Variants in C16orf46 observed in about 807,000 individuals in gnomAD.
C16orf46 encodes the protein chromosome 16 open reading frame 46, also known as uncharacterized protein C16orf46.
In C16orf46, 7 loss-of-function variants were observed where a neutral mutation model predicts 5.5. The observed-to-expected ratio is 1.28, with a 90% CI of 0.73 to 2.40. The LOEUF (loss-of-function observed/expected upper bound fraction) is 2.40, where lower values mean the gene tolerates loss of function less well. Ranked by LOEUF, C16orf46 falls within the 30% of genes most tolerant of loss-of-function variation. The pLI is 0.00. For missense variants in C16orf46, 614 were observed against 476.0 expected, an observed-to-expected ratio of 1.29 and a Z score of -2.70; for synonymous variants, 200 against 184.1, an observed-to-expected ratio of 1.09 and a Z score of -0.70.
chr16:81,059,791 G>C (rs1037375479), downstream of C16orf46, among the ~76,000 whole-genome samples: 1 of 148,234 alleles, frequency 6.7e-6, no homozygotes, highest in Non-Finnish European at 1.5e-5. Context: ...TTCCCAAAAA[G>C]ATTTTTTTTT....
downstream of C16orf46, among the ~76,000 whole-genome samples, chr16:81,059,768 T>C (rs1163697375): frequency 1.3e-5 from 2 of 151,854 alleles, no homozygotes; most frequent in Non-Finnish European, 2.9e-5. Context: ...ATCACAGTGA[T>C]CTTTTTATTT....
intron 2 of C16orf46, among the ~76,000 whole-genome samples, chr16:81,065,915 C>CT (rs1042046255): frequency 6.6e-6 from 1 of 151,820 alleles, no homozygotes; most frequent in African/African-American, 2.4e-5. Context: ...TCTTAGCTCA[C>CT]TGACAAAATT....
At chr16:81,062,446 C>A (rs1028936357) in intron 3 of C16orf46, among the ~76,000 whole-genome samples, 1 of 152,164 alleles carries the variant, frequency 6.6e-6, no homozygotes, top group African/African-American at 2.4e-5. Flanking sequence ...TACTAAAACA[C>A]TAAGCAACAG....
intron 1 of C16orf46, among the ~76,000 whole-genome samples, chr16:81,073,765 G>A (rs1253624713): frequency 1.3e-5 from 2 of 152,064 alleles, no homozygotes; most frequent in Non-Finnish European, 2.9e-5. Flanking sequence ...ACATCCCAAG[G>A]AATGTGGATG....
In C16orf46 at chr16:81,054,520, G is replaced by GATATATAT. The variant is rs368793022; in HGVS notation, c.1144-434_1144-427dup. Among the ~76,000 whole-genome samples, 772 of 151,460 alleles carry GATATATAT rather than the reference G, an allele frequency of 5.1e-3. 5 individuals are homozygous for GATATATAT. Among genetic ancestry groups the GATATATAT allele is most frequent in the African/African-American group, 0.018 (735 of 41,266 alleles). ...TTTTCTGCACCTTTTTTGGTAACGT[G>GATATATAT]ATATATATATATGTATATACATGTT... is the stretch of plus-strand genomic sequence containing the variant. On this transcript the variant is annotated intron_variant, in intron 3 of 3. Coordinates refer to the C16orf46 transcript ENST00000378611.
At chr16:81,073,422 T>G (rs746829437) in intron 1 of C16orf46, among the ~76,000 whole-genome samples, 18 of 152,220 alleles carry the variant, frequency 1.2e-4, no homozygotes, top group Non-Finnish European at 2.2e-4. Context: ...CAATAAGCTC[T>G]TCTAGAATGT....
exon 4 of C16orf46, chr16:81,053,924 G>C: frequency 1.3e-6 from 1 of 798,558 alleles, no homozygotes; most frequent in Non-Finnish European, 2.0e-6. Flanking sequence ...CAAACGTGGC[G>C]TCTTCTTACT....
intron 2 of C16orf46, among the ~76,000 whole-genome samples, chr16:81,064,537 C>T (rs193085552): frequency 2.0e-3 from 309 of 152,170 alleles, no homozygotes; most frequent in Non-Finnish European, 3.9e-3. Flanking sequence ...CACCTGAGGT[C>T]AGGAGTTCGA....
downstream of C16orf46, chr16:81,056,025 T>G: frequency 6.6e-6 from 1 of 152,178 alleles, no homozygotes. Flanking sequence ...GCCAACTGTT[T>G]CATTTTAAAA....
At chr16:81,076,119 T>C (rs1238613126) in intron 1 of C16orf46, among the ~76,000 whole-genome samples, 1 of 152,206 alleles carries the variant, frequency 6.6e-6, no homozygotes, top group African/African-American at 2.4e-5. Context: ...GAAGGAATAA[T>C]CATTAGAAAT....
intron 1 of C16orf46, among the ~76,000 whole-genome samples, chr16:81,075,356 G>A (rs1227313543): frequency 2.0e-5 from 3 of 151,978 alleles, no homozygotes; most frequent in Non-Finnish European, 4.4e-5. Flanking sequence ...TTGGGAGGCC[G>A]AGGCCGGTGG....
chr16:81,074,503 G>T (rs1027371376), intron 1 of C16orf46, among the ~76,000 whole-genome samples: 2 of 152,000 alleles, frequency 1.3e-5, no homozygotes, highest in African/African-American at 2.4e-5. Flanking sequence ...TCCTGCCTCA[G>T]CCTCCTGAGT....
intron 1 of C16orf46, among the ~76,000 whole-genome samples, chr16:81,070,893 G>A (rs1444293481): frequency 1.3e-5 from 2 of 152,030 alleles, no homozygotes; most frequent in Admixed American, 6.6e-5. Context: ...TTTCACTGCT[G>A]GACTCAACTG....
intron 2 of C16orf46, among the ~76,000 whole-genome samples, chr16:81,065,579 T>C (rs1258037597): frequency 1.3e-5 from 2 of 151,852 alleles, no homozygotes; most frequent in African/African-American, 4.8e-5. Context: ...ACCTGAGCAG[T>C]GACCACCAAA....
Position 81,061,784 on chromosome 16 carries a change from G to A in C16orf46, c.565C>T (p.Pro189Ser), listed in dbSNP as rs769358468. Reference protein sequence around the residue: ...GTNRGKASGNPSGGAHRGLSI... With the variant: ...GTNRGKASGNSSGGAHRGLSI... ...AGCCCTCTGTGGGCCCCTCCACTGG[G>A]ATTCCCAGAGGCCTTGCCCCTATTA... The change falls in exon 4 of 4, where the codon CCC becomes TCC. Residue 189 changes from proline to serine, a missense_variant. Physicochemically the swap from Pro to Ser is moderately conservative, Grantham distance 74. Coordinates refer to ENST00000299578, the MANE Select transcript of C16orf46 (RefSeq NM_152337.3). 1.2e-6 allele frequency: 2 copies of A among 1,613,948 alleles called. No homozygotes were observed. The highest frequency in any genetic ancestry group is 3.3e-5 in the Admixed American group (2 of 60,014).
At position 81,066,199 on chromosome 16, in the gene C16orf46, A is replaced by C. The variant is rs1219127842; in HGVS notation, c.-45T>G. On this transcript the variant is annotated 5_prime_UTR_variant, in exon 2 of 4. Transcript: ENST00000299578. Reference sequence around the variant, plus strand: ...AGGTCAGATTACTGCATACCAGATCACCAGATGCACCTTCGGAACACTGGT... The same window carrying C: ...AGGTCAGATTACTGCATACCAGATCCCCAGATGCACCTTCGGAACACTGGT... The C allele has an allele frequency of 1.3e-5, 2 of 152,086 alleles. No homozygotes were observed. Among genetic ancestry groups the C allele is most frequent in the Non-Finnish European group, 1.5e-5 (1 of 68,032 alleles). The allele number at this position is 152,086 out of a possible 1,614,324, so 9.4% of individuals were successfully genotyped here.
At chr16:81,063,338 T>G (rs868292284) in intron 3 of C16orf46, among the ~76,000 whole-genome samples, 1 of 151,298 alleles carries the variant, frequency 6.6e-6, no homozygotes. Context: ...GCACAGCTGC[T>G]AAGGAGCTCA....
chr16:81,064,530 C>A (rs866909577), intron 2 of C16orf46, among the ~76,000 whole-genome samples: 38 of 152,030 alleles, frequency 2.5e-4, no homozygotes, highest in African/African-American at 9.2e-4. Context: ...GATGGATCAC[C>A]TGAGGTCAGG....
At chr16:81,075,345 T>C (rs1971999162) in intron 1 of C16orf46, among the ~76,000 whole-genome samples, 1 of 151,972 alleles carries the variant, frequency 6.6e-6, no homozygotes, top group South Asian at 2.1e-4. Flanking sequence ...ATCCCAGCAC[T>C]TTGGGAGGCC....
Sources: gnomAD v4.1 joint callset for allele counts (sites outside exome capture counted in the v4.1 genomes callset) on GRCh38, gnomAD v4.1.1 for gene constraint, MANE v1.5 for transcripts, NCBI Gene and HGNC (gene_info 2026-07-23, HGNC 2026-07-21) for gene names.